COX10: variants seen among roughly 807,000 people sequenced by gnomAD.
COX10 encodes protoheme IX farnesyltransferase, mitochondrial.
COX10 carries 27 observed loss-of-function variants against 37.3 expected under a neutral mutation model. The ratio of observed to expected loss-of-function variants is 0.72; its 90% confidence interval spans 0.53 to 1.00. The LOEUF (loss-of-function observed/expected upper bound fraction) is 1.00, where lower values mean the gene tolerates loss of function less well. Ranked by LOEUF, COX10 falls within the 50% of genes least tolerant of loss-of-function variation. The pLI is 0.00. For synonymous variants in COX10, 222 were observed against 229.1 expected (o/e 0.97, Z 0.28); for missense variants, 475 against 563.2 (o/e 0.84, Z 1.59).
intron 4 of COX10, among the ~76,000 whole-genome samples, chr17:14,105,667 G>A (rs1375676901): frequency 6.6e-6 from 1 of 152,050 alleles, no homozygotes; most frequent in Non-Finnish European, 1.5e-5. Context: ...ATATCAGTGA[G>A]AAAATATAGA....
intron 3 of COX10, among the ~76,000 whole-genome samples, chr17:14,080,459 C>T (rs1005347727): frequency 4.6e-5 from 7 of 151,958 alleles, no homozygotes; most frequent in South Asian, 2.1e-4. Context: ...GTGATCCACC[C>T]GCCTCGGCCT....
intron 5 of COX10, chr17:14,182,170 T>G: frequency 2.1e-6 from 2 of 975,082 alleles, no homozygotes; most frequent in Non-Finnish European, 2.4e-6. Context: ...GATGCATGCC[T>G]ATAATCGCAG....
intron 6 of COX10, among the ~76,000 whole-genome samples, chr17:14,196,266 AG>A (rs1906364093): frequency 6.6e-6 from 1 of 152,190 alleles, no homozygotes; most frequent in Non-Finnish European, 1.5e-5. Context: ...ATCACGTCTC[AG>A]GGTCTTTGGG....
chr17:14,124,188 G>C (rs73267438), intron 4 of COX10, among the ~76,000 whole-genome samples: 1 of 152,276 alleles, frequency 6.6e-6, no homozygotes, highest in African/African-American at 2.4e-5. Context: ...TGACCACTCT[G>C]TTAGACTTGA....
At chr17:14,125,209 A>G (rs1916308875) in intron 4 of COX10, among the ~76,000 whole-genome samples, 2 of 152,214 alleles carry the variant, frequency 1.3e-5, no homozygotes, top group South Asian at 2.1e-4. Context: ...GTAGTTTTCA[A>G]TATGCACTGA....
intron 3 of COX10, among the ~76,000 whole-genome samples, chr17:14,101,674 T>G (rs1052766745): frequency 1.3e-5 from 2 of 152,228 alleles, no homozygotes; most frequent in African/African-American, 4.8e-5. Flanking sequence ...GTCTGCAGTT[T>G]GTCACAGACT....
Position 14,193,329 on chromosome 17 carries a change from C to T in COX10, c.928+1108C>T, listed in dbSNP as rs370343814. ...TCCCACATGGGGCTAATAATCTTCTCCCCTCCTGGAGTCATTGTGAGGATG... is the reference window on the plus strand; with the variant it reads ...TCCCACATGGGGCTAATAATCTTCTTCCCTCCTGGAGTCATTGTGAGGATG... On this transcript the variant is annotated intron_variant, in intron 6 of 6. Coordinates refer to ENST00000261643, the MANE Select transcript of COX10 (RefSeq NM_001303.4). 3.0e-3 allele frequency among the ~76,000 whole-genome samples: 457 copies of T among 152,260 alleles called. 4 individuals are homozygous for T. Among genetic ancestry groups the T allele is most frequent in the South Asian group, 0.019 (90 of 4,826 alleles).
intron 3 of COX10, among the ~76,000 whole-genome samples, chr17:14,092,095 A>T (rs1388983165): frequency 6.6e-6 from 1 of 152,176 alleles, no homozygotes; most frequent in Non-Finnish European, 1.5e-5. Flanking sequence ...ATGATAAGGT[A>T]GAAAAGCTCT....
At chr17:14,069,670 C>G in intron 1 of COX10, 22 bp downstream of exon 1, 1 of 1,613,922 alleles carries the variant, frequency 6.2e-7, no homozygotes, top group Non-Finnish European at 8.5e-7. Flanking sequence ...GCCTTGGGCA[C>G]GACCTTGGGG....
intron 3 of COX10, among the ~76,000 whole-genome samples, chr17:14,101,318 C>T (rs1915775393): frequency 6.6e-6 from 1 of 152,174 alleles, no homozygotes; most frequent in Admixed American, 6.6e-5. Context: ...CTCTTCCTTT[C>T]TCTTCATCCT....
chr17:14,118,454 A>C (rs559411232), intron 4 of COX10, among the ~76,000 whole-genome samples: 2 of 152,280 alleles, frequency 1.3e-5, no homozygotes, highest in South Asian at 2.1e-4. Context: ...CTTTTTAAAA[A>C]TTAGGATATA....
chr17:14,101,775 C>T (rs976068512), intron 3 of COX10, among the ~76,000 whole-genome samples: 5 of 152,114 alleles, frequency 3.3e-5, no homozygotes, highest in Non-Finnish European at 7.3e-5. Context: ...AGAATAAGAC[C>T]ATATACATCT....
chr17:14,188,872 A>G (rs1203059976), intron 5 of COX10, among the ~76,000 whole-genome samples: 1 of 148,796 alleles, frequency 6.7e-6, no homozygotes, highest in Non-Finnish European at 1.5e-5. Flanking sequence ...AGTAGATGTT[A>G]TTGTTCTTTA....
rs115889772 is a variant in COX10, at chr17:14,092,648, C to T, written c.500-9470C>T. On this transcript the variant is annotated intron_variant, in intron 3 of 6. Coordinates refer to ENST00000261643, the MANE Select transcript of COX10 (RefSeq NM_001303.4). ...TTCTCTGATATGTCTCTTGAGAAGA[C>T]AACTATATTATGTGGTTCACAGAAT... 2.6e-3 allele frequency among the ~76,000 whole-genome samples: 393 copies of T among 152,172 alleles called. 2 individuals are homozygous for T. The highest frequency in any genetic ancestry group is 9.0e-3 in the African/African-American group (372 of 41,526).
chr17:14,201,346 T>C (rs971451289), intron 6 of COX10, among the ~76,000 whole-genome samples: 6 of 152,204 alleles, frequency 3.9e-5, no homozygotes, highest in Non-Finnish European at 7.3e-5. Flanking sequence ...TAAAGCCGTG[T>C]GTGGGTGGTG....
At position 14,159,545 on chromosome 17, in the gene COX10, T is replaced by C. The variant is rs1394560732; in HGVS notation, c.625-332T>C. On this transcript the variant is annotated intron_variant, in intron 4 of 6. Coordinates refer to ENST00000261643, the MANE Select transcript of COX10 (RefSeq NM_001303.4). ...TGGAGGGCCTACTGCGGGAGTTGAG[T>C]ATGTGTGGATTTGGTTATCCACACA... Among the ~76,000 whole-genome samples, 4 of 152,128 alleles carry C rather than the reference T, an allele frequency of 2.6e-5. No individual in the cohort carries two copies. In the East Asian group the frequency reaches 7.7e-4, roughly 29 times the overall value.
At chr17:14,169,795 G>T (rs990990043) in intron 5 of COX10, among the ~76,000 whole-genome samples, 6 of 152,208 alleles carry the variant, frequency 3.9e-5, no homozygotes, top group African/African-American at 1.4e-4. Flanking sequence ...TGGTTTGTTT[G>T]TCCTCACCAA....
chr17:14,146,569 A>T (rs1037607382), intron 4 of COX10, among the ~76,000 whole-genome samples: 4 of 152,192 alleles, frequency 2.6e-5, no homozygotes, highest in Non-Finnish European at 5.9e-5. Flanking sequence ...TCTCTAAGAC[A>T]TCGGCCTGGG....
chr17:14,181,690 GTGTC>G (rs1905865428), intron 5 of COX10, among the ~76,000 whole-genome samples: 2 of 152,206 alleles, frequency 1.3e-5, no homozygotes, highest in Admixed American at 1.3e-4. Flanking sequence ...GGAAAAGTAT[GTGTC>G]TGTCACGTGG....
Sources: gnomAD v4.1 joint callset for allele counts (sites outside exome capture counted in the v4.1 genomes callset) on GRCh38, gnomAD v4.1.1 for gene constraint, MANE v1.5 for transcripts, NCBI Gene and HGNC (gene_info 2026-07-23, HGNC 2026-07-21) for gene names.